The following DDR2 variants were observed in gnomAD, a reference collection of about 807,000 sequenced individuals.
The protein encoded by DDR2 is discoidin domain-containing receptor 2.
Under a neutral mutation model 94.9 loss-of-function variants are expected in DDR2, and 27 were observed. The observed-to-expected ratio is 0.28, with a 90% CI of 0.21 to 0.39. DDR2 has a LOEUF of 0.39. Ranked by LOEUF, DDR2 falls within the 10% of genes least tolerant of loss-of-function variation. DDR2 has a pLI of 1.00. For missense variants in DDR2, 783 were observed against 1,076.0 expected (o/e 0.73, Z 3.81); for synonymous variants, 382 against 377.2 (o/e 1.01, Z -0.15).
chr1:162,677,241 G>A (rs1344450039), intron 2 of DDR2, among the ~76,000 whole-genome samples: 1 of 152,082 alleles, frequency 6.6e-6, no homozygotes, highest in Non-Finnish European at 1.5e-5. Context: ...AAGGGTCCGG[G>A]CAGGATGCTT....
intron 2 of DDR2, among the ~76,000 whole-genome samples, chr1:162,694,600 G>A (rs1171732380): frequency 6.6e-6 from 1 of 151,744 alleles, no homozygotes; most frequent in African/African-American, 2.4e-5. Context: ...CTTTTTTCCA[G>A]CCTCCCATGA....
intron 2 of DDR2, among the ~76,000 whole-genome samples, chr1:162,668,683 C>T (rs557413395): frequency 2.1e-4 from 32 of 152,262 alleles, no homozygotes; most frequent in African/African-American, 7.0e-4. Flanking sequence ...CCCTTAGATC[C>T]TAGTCATTGG....
intron 3 of DDR2, among the ~76,000 whole-genome samples, chr1:162,744,884 A>G (rs1662775690): frequency 6.6e-6 from 1 of 152,190 alleles, no homozygotes; most frequent in African/African-American, 2.4e-5. Context: ...GGACTGCTGG[A>G]GCATATGGTA....
intron 2 of DDR2, among the ~76,000 whole-genome samples, chr1:162,700,362 A>G (rs1660375260): frequency 6.6e-6 from 1 of 152,154 alleles, no homozygotes; most frequent in African/African-American, 2.4e-5. Flanking sequence ...CCCCATGACT[A>G]TGACCCAGAC....
At chr1:162,748,260 C>A in intron 3 of DDR2, among the ~76,000 whole-genome samples, 1 of 152,180 alleles carries the variant, frequency 6.6e-6, no homozygotes, top group East Asian at 1.9e-4. Context: ...AGACCCATCT[C>A]ATGTGCAGAG....
chr1:162,762,030 A>T lies in DDR2; in HGVS notation c.1099+576A>T, dbSNP rs74987043. On this transcript the variant is annotated intron_variant, in intron 9 of 17. Transcript: ENST00000367921. ...CATCTAACAACCTTTATTATTAAATAATTTCTTAATACCACCCAATATCCT... is the reference window on the plus strand; with the variant it reads ...CATCTAACAACCTTTATTATTAAATTATTTCTTAATACCACCCAATATCCT... 5.2e-3 allele frequency among the ~76,000 whole-genome samples: 789 copies of T among 152,320 alleles called. 7 individuals are homozygous for T. The highest frequency in any genetic ancestry group is 0.018 in the African/African-American group (764 of 41,568).
intron 3 of DDR2, among the ~76,000 whole-genome samples, chr1:162,720,620 T>C (rs1451673933): frequency 6.6e-6 from 1 of 152,182 alleles, no homozygotes; most frequent in Non-Finnish European, 1.5e-5. Flanking sequence ...ATTATTCTTA[T>C]ATAAAACTTT....
At chr1:162,741,476 G>A (rs1662612160) in intron 3 of DDR2, 2 of 521,942 alleles carry the variant, frequency 3.8e-6, no homozygotes, top group African/African-American at 2.1e-5. Context: ...TATTTTGAGA[G>A]TAATAGTGTG....
At chr1:162,769,642 A>G (rs1664167292) in intron 11 of DDR2, among the ~76,000 whole-genome samples, 1 of 152,212 alleles carries the variant, frequency 6.6e-6, no homozygotes, top group Non-Finnish European at 1.5e-5. Context: ...AAATGCTGGC[A>G]TTTGCCTTTT....
intron 1 of DDR2, among the ~76,000 whole-genome samples, chr1:162,640,930 G>A (rs1165513028): frequency 6.6e-6 from 1 of 152,064 alleles, no homozygotes; most frequent in Non-Finnish European, 1.5e-5. Flanking sequence ...GCTAACTGTT[G>A]TTTTTTGTAG....
At chr1:162,727,271 T>A (rs2490868) in intron 3 of DDR2, among the ~76,000 whole-genome samples, 2 of 103,138 alleles carry the variant, frequency 1.9e-5, no homozygotes, top group Non-Finnish European at 1.9e-5. Context: ...TAAATATAAA[T>A]ATAAATATAA....
intron 2 of DDR2, among the ~76,000 whole-genome samples, chr1:162,656,574 C>CTTCCTTCCTCCCTCCT (rs1435059845): frequency 6.6e-6 from 1 of 151,878 alleles, no homozygotes; most frequent in Admixed American, 6.6e-5. Context: ...CCCTCCCTTT[C>CTTCCTTCCTCCCTCCT]TTCCTTCCTC....
At chr1:162,637,567 A>G (rs547365680) in intron 1 of DDR2, among the ~76,000 whole-genome samples, 1 of 152,266 alleles carries the variant, frequency 6.6e-6, no homozygotes, top group South Asian at 2.1e-4. Context: ...ATTAAACATA[A>G]CAAAATAATA....
At chr1:162,690,433 G>T (rs1465690206) in intron 2 of DDR2, among the ~76,000 whole-genome samples, 1 of 151,952 alleles carries the variant, frequency 6.6e-6, no homozygotes, top group Non-Finnish European at 1.5e-5. Context: ...TCTCCTCTTG[G>T]GTTCTCATTC....
intron 16 of DDR2, among the ~76,000 whole-genome samples, chr1:162,776,731 G>A (rs1438534202): frequency 6.6e-6 from 1 of 152,034 alleles, no homozygotes; most frequent in African/African-American, 2.4e-5. Flanking sequence ...AGTTTCATAA[G>A]CATGTTTCTC....
chr1:162,766,759 C>T (rs200766135), intron 10 of DDR2, among the ~76,000 whole-genome samples: 22 of 152,100 alleles, frequency 1.4e-4, no homozygotes, highest in South Asian at 2.1e-4. Context: ...ACAGATTGGG[C>T]GTGGTGGCTC....
chr1:162,664,133 G>A lies in DDR2; in HGVS notation c.-28+8759G>A, dbSNP rs537263417. On this transcript the variant is annotated intron_variant, in intron 2 of 17. Transcript: ENST00000367921. ...GCTGAGTAGACATTCAATTTAATCT[G>A]GACTTTTATTTTGCTACAAACTAAT... is the stretch of plus-strand genomic sequence containing the variant. Among the ~76,000 whole-genome samples the A allele has an allele frequency of 2.0e-5, 3 of 152,048 alleles. No homozygotes were observed. In the East Asian group the frequency reaches 5.8e-4, roughly 29 times the overall value.
chr1:162,764,898 A>G (rs190036288), intron 9 of DDR2, among the ~76,000 whole-genome samples: 2 of 152,182 alleles, frequency 1.3e-5, no homozygotes, highest in East Asian at 3.9e-4. Context: ...TTTTTAAGGG[A>G]AAAAAATTTC....
intron 2 of DDR2, among the ~76,000 whole-genome samples, chr1:162,683,219 C>T (rs1659498451): frequency 6.6e-6 from 1 of 152,076 alleles, no homozygotes; most frequent in African/African-American, 2.4e-5. Flanking sequence ...TTACAGCTAA[C>T]ATCATACTTT....
Sources: allele counts gnomAD v4.1 joint callset (sites outside exome capture counted in the v4.1 genomes callset), GRCh38; gene constraint gnomAD v4.1.1; transcripts MANE v1.5; gene names NCBI Gene and HGNC (gene_info 2026-07-23, HGNC 2026-07-21).